Variants in FCHSD2 observed in about 807,000 individuals in gnomAD.
The protein encoded by FCHSD2 is FCH and double SH3 domains 2, also known as F-BAR and double SH3 domains protein 2.
A neutral mutation model predicts 108.1 loss-of-function variants in FCHSD2; 38 were observed. That is an observed-to-expected ratio of 0.35 (90% CI 0.27 to 0.46). FCHSD2 has a LOEUF of 0.46. Among genes scored for constraint, FCHSD2 ranks in the 20% least tolerant of loss-of-function variants. The pLI, the probability that FCHSD2 is intolerant of heterozygous loss-of-function variation, is 1.00. For missense variants in FCHSD2, 751 were observed against 897.8 expected (o/e 0.84, Z 2.09); for synonymous variants, 279 against 314.7 (o/e 0.89, Z 1.20).
intron 8 of FCHSD2, among the ~76,000 whole-genome samples, chr11:72,951,498 T>C (rs1199152628): frequency 6.6e-6 from 1 of 152,258 alleles, no homozygotes; most frequent in Non-Finnish European, 1.5e-5. Context: ...TTTAGCTCAA[T>C]AAATGTTTGC....
At chr11:72,843,756 A>G in intron 14 of FCHSD2, 4 of 532,862 alleles carry the variant, frequency 7.5e-6, no homozygotes, top group Non-Finnish European at 1.3e-5. Context: ...TGAATCCTCA[A>G]GAGGCAATGA....
At chr11:72,905,590 C>G (rs937439782) in intron 9 of FCHSD2, among the ~76,000 whole-genome samples, 9 of 152,012 alleles carry the variant, frequency 5.9e-5, no homozygotes, top group Non-Finnish European at 1.3e-4. Flanking sequence ...CTTCCCCTAG[C>G]CCCCCACCCC....
chr11:73,128,583 G>A (rs1280853987), intron 2 of FCHSD2, among the ~76,000 whole-genome samples: 1 of 152,150 alleles, frequency 6.6e-6, no homozygotes, highest in Non-Finnish European at 1.5e-5. Flanking sequence ...CAGAGATGGG[G>A]GAAGGAGGGA....
At chr11:72,914,133 GCCTC>G (rs1257633667) in intron 9 of FCHSD2, among the ~76,000 whole-genome samples, 1 of 152,038 alleles carries the variant, frequency 6.6e-6, no homozygotes. Flanking sequence ...TCCTGCCTCA[GCCTC>G]CCGAGCAGCT....
chr11:72,939,032 A>G (rs1287461051), intron 8 of FCHSD2, among the ~76,000 whole-genome samples: 1 of 152,204 alleles, frequency 6.6e-6, no homozygotes, highest in Non-Finnish European at 1.5e-5. Context: ...TCAAATTTTA[A>G]TACAGTAGCC....
chr11:73,091,930 G>C (rs574283459), intron 2 of FCHSD2, among the ~76,000 whole-genome samples: 37 of 152,090 alleles, frequency 2.4e-4, no homozygotes, highest in African/African-American at 8.7e-4. Context: ...AGCTACTCAG[G>C]AGGCTGAGGC....
At chr11:72,953,628 G>GA (rs5792607) in intron 8 of FCHSD2, among the ~76,000 whole-genome samples, 141,751 of 148,788 alleles carry the variant, frequency 0.95, 67,872 homozygotes, top group Non-Finnish European at 1. Context: ...CTGCATGGGG[G>GA]AAAAAAAAAA....
chr11:72,904,063 C>T (rs1855581678), intron 9 of FCHSD2, among the ~76,000 whole-genome samples: 1 of 152,146 alleles, frequency 6.6e-6, no homozygotes, highest in African/African-American at 2.4e-5. Flanking sequence ...AAATACACCA[C>T]GGAGTGTGTA....
At chr11:73,083,463 C>T (rs181505512) in intron 3 of FCHSD2, among the ~76,000 whole-genome samples, 10 of 151,936 alleles carry the variant, frequency 6.6e-5, no homozygotes, top group Admixed American at 5.2e-4. Context: ...ACAGGAGAAT[C>T]GCTTGAACCT....
chr11:72,972,649 A>G (rs1282263978), intron 8 of FCHSD2, among the ~76,000 whole-genome samples: 1 of 152,254 alleles, frequency 6.6e-6, no homozygotes, highest in Non-Finnish European at 1.5e-5. Context: ...ACTTACAAGA[A>G]GCATCCTAAT....
intron 8 of FCHSD2, among the ~76,000 whole-genome samples, chr11:72,932,536 C>G (rs1434217903): frequency 6.6e-6 from 1 of 152,176 alleles, no homozygotes; most frequent in Non-Finnish European, 1.5e-5. Context: ...TTCTCCAATA[C>G]TCCTTTTTTG....
At chr11:73,113,044 T>A (rs1053554339) in intron 2 of FCHSD2, among the ~76,000 whole-genome samples, 4 of 152,146 alleles carry the variant, frequency 2.6e-5, no homozygotes, top group African/African-American at 9.7e-5. Context: ...GTCTTCTCTG[T>A]GCATTTCCAA....
Position 72,887,591 on chromosome 11 carries a change from G to T in FCHSD2, c.1042-17C>A, listed in dbSNP as rs775363191. 7 of 1,429,174 alleles carry T rather than the reference G, an allele frequency of 4.9e-6. No homozygotes were observed. The highest frequency in any genetic ancestry group is 3.0e-5 in the African/African-American group (2 of 67,608). 88.5% of individuals were successfully genotyped at this position (1,429,174 alleles called of 1,614,324 possible). ...ATTTAGAACCTATTAAAGAAAATGG[G>T]ACAATAATGATGACTGTTTTTTACT... On this transcript the variant is annotated splice_polypyrimidine_tract_variant and intron_variant, in intron 11 of 19. Coordinates refer to ENST00000409418, the MANE Select transcript of FCHSD2 (RefSeq NM_014824.3).
chr11:73,129,182 T>C (rs1565104152), intron 2 of FCHSD2, among the ~76,000 whole-genome samples: 1 of 152,190 alleles, frequency 6.6e-6, no homozygotes, highest in Non-Finnish European at 1.5e-5. Context: ...GAGACTCTAA[T>C]TTCTAAATTG....
chr11:72,842,608 C>T lies in FCHSD2; in HGVS notation c.1926+13G>A. On this transcript the variant is annotated intron_variant, in intron 17 of 19. Transcript: ENST00000409418. Reference sequence around the variant, plus strand: ...AAACATCTTTTAATTCAACTGTCTCCCCTCTCAGGTACCTGAATCTCTCTC... The same window carrying T: ...AAACATCTTTTAATTCAACTGTCTCTCCTCTCAGGTACCTGAATCTCTCTC... 6.2e-7 allele frequency: 1 copy of T among 1,613,874 alleles called. No homozygotes were observed. The highest frequency in any genetic ancestry group is 8.5e-7 in the Non-Finnish European group (1 of 1,179,846).
At chr11:72,896,006 T>C (rs1855410363) in intron 10 of FCHSD2, among the ~76,000 whole-genome samples, 1 of 152,200 alleles carries the variant, frequency 6.6e-6, no homozygotes, top group Non-Finnish European at 1.5e-5. Flanking sequence ...TAGACTTTTA[T>C]AGACAAGGGA....
At chr11:72,886,286 C>A (rs1203488440) in intron 12 of FCHSD2, among the ~76,000 whole-genome samples, 1 of 152,152 alleles carries the variant, frequency 6.6e-6, no homozygotes, top group African/African-American at 2.4e-5. Context: ...CTCACATCTC[C>A]TTCTTTCCTA....
chr11:72,980,900 A>G (rs1857203851), intron 8 of FCHSD2, among the ~76,000 whole-genome samples: 1 of 152,094 alleles, frequency 6.6e-6, no homozygotes, highest in Non-Finnish European at 1.5e-5. Flanking sequence ...GTGTATGATT[A>G]AACCAACAAA....
At chr11:72,954,864 A>T (rs1306320838) in intron 8 of FCHSD2, among the ~76,000 whole-genome samples, 2 of 152,280 alleles carry the variant, frequency 1.3e-5, no homozygotes, top group Admixed American at 6.5e-5. Flanking sequence ...ATGTGAATTG[A>T]TATCTATACA....
Sources: gnomAD v4.1 joint callset for allele counts (sites outside exome capture counted in the v4.1 genomes callset) on GRCh38, gnomAD v4.1.1 for gene constraint, MANE v1.5 for transcripts, NCBI Gene and HGNC (gene_info 2026-07-23, HGNC 2026-07-21) for gene names.